The following NAV2 variants were observed in gnomAD, a reference collection of about 807,000 sequenced individuals.
NAV2 encodes the protein helicase, APC down-regulated 1.
Under a neutral mutation model 223.2 loss-of-function variants are expected in NAV2, and 54 were observed. The ratio of observed to expected loss-of-function variants is 0.24; its 90% CI spans 0.19 to 0.30. The LOEUF (loss-of-function observed/expected upper bound fraction) is 0.30. Ranked by LOEUF, NAV2 falls within the 10% of genes least tolerant of loss-of-function variation. The pLI is 1.00. For missense variants in NAV2, 2,806 were observed against 3,147.5 expected, an observed-to-expected ratio of 0.89 and a Z score of 2.60; for synonymous variants, 1,279 against 1,239.3, an observed-to-expected ratio of 1.03 and a Z score of -0.67.
chr11:20,044,205 G>A lies in NAV2; in HGVS notation c.3132G>A (p.Gln1044=), dbSNP rs537545497. The A allele has an allele frequency of 2.4e-5, 39 of 1,614,184 alleles. No individual in the cohort carries two copies. The South Asian group carries it at 3.2e-4, about 13-fold the overall frequency. ...CATGGCGGCGAGGCATGACAGCTCA[G>A]GTGGGCATCACCATGCCAAGGACGA... is the stretch of plus-strand genomic sequence containing the variant. The part of the protein sequence containing the change: ...TGSWRRGMTA[Q]VGITMPRTKP... Residue 1044 remains glutamine (Q), a synonymous_variant, in exon 13 of 38, where the codon CAG becomes CAA. Coordinates refer to ENST00000349880, the MANE Select transcript of NAV2 (RefSeq NM_145117.5).
At position 19,860,941 on chromosome 11, in the gene NAV2, G is replaced by C. The variant is rs984700503; in HGVS notation, c.439-7984G>C. 2.4e-4 allele frequency among the ~76,000 whole-genome samples: 36 copies of C among 150,836 alleles called. No individual in the cohort carries two copies. In the South Asian group the frequency reaches 7.6e-3, roughly 32 times the overall value. On this transcript the variant is annotated intron_variant, in intron 3 of 37. Transcript: ENST00000349880. ...AGGCACTCGGCAGGCTGAGGCAGGA[G>C]AATCAGGCAGGGAGGTTGCAGTGAG...
chr11:19,478,625 G>C (rs1273642980), intron 1 of NAV2, among the ~76,000 whole-genome samples: 1 of 152,200 alleles, frequency 6.6e-6, no homozygotes, highest in Non-Finnish European at 1.5e-5. Flanking sequence ...ACAAAGATAA[G>C]TGCAACAAGG....
chr11:19,887,417 G>A (rs1011451260), intron 5 of NAV2, among the ~76,000 whole-genome samples: 17 of 152,122 alleles, frequency 1.1e-4, no homozygotes, highest in African/African-American at 3.4e-4. Flanking sequence ...AAACCTAAGC[G>A]AAGGCCCATC....
chr11:19,373,770 G>A (rs1021526212), intron 1 of NAV2, among the ~76,000 whole-genome samples: 1 of 152,154 alleles, frequency 6.6e-6, no homozygotes, highest in African/African-American at 2.4e-5. Flanking sequence ...TGTCGCTATA[G>A]CCCTGAACCT....
chr11:19,635,049 G>A (rs374667434), intron 1 of NAV2, among the ~76,000 whole-genome samples: 9 of 152,166 alleles, frequency 5.9e-5, no homozygotes, highest in Non-Finnish European at 1.2e-4. Context: ...GTGGTCCTGC[G>A]CTGGTGTTCC....
At chr11:20,017,643 A>G (rs2054124970) in intron 11 of NAV2, among the ~76,000 whole-genome samples, 2 of 152,198 alleles carry the variant, frequency 1.3e-5, no homozygotes, top group Non-Finnish European at 2.9e-5. Context: ...CTCAGTGTCC[A>G]GTCTAGTATC....
intron 26 of NAV2, among the ~76,000 whole-genome samples, chr11:20,088,535 A>C (rs1180583521): frequency 6.6e-6 from 1 of 152,084 alleles, no homozygotes; most frequent in African/African-American, 2.4e-5. Flanking sequence ...AGGCCTCATC[A>C]TTGTGTGTTT....
At chr11:19,496,685 G>A (rs1310581212) in intron 1 of NAV2, among the ~76,000 whole-genome samples, 1 of 152,162 alleles carries the variant, frequency 6.6e-6, no homozygotes, top group East Asian at 1.9e-4. Context: ...CTACACAAGG[G>A]CCTGAATGTT....
At chr11:19,720,014 C>T (rs1387023304) in intron 1 of NAV2, among the ~76,000 whole-genome samples, 1 of 152,228 alleles carries the variant, frequency 6.6e-6, no homozygotes, top group East Asian at 1.9e-4. Flanking sequence ...GACTGGGCTT[C>T]TTAATGGTTC....
At chr11:19,602,125 C>A (rs1379968109) in intron 1 of NAV2, among the ~76,000 whole-genome samples, 1 of 151,668 alleles carries the variant, frequency 6.6e-6, no homozygotes, top group African/African-American at 2.4e-5. Flanking sequence ...GAAAAGGATG[C>A]ACAATCCCCC....
intron 19 of NAV2, 36 bp from the exon 20 acceptor site, chr11:20,062,271 C>T (rs1010676988): frequency 1.9e-6 from 3 of 1,540,732 alleles, no homozygotes; most frequent in African/African-American, 2.7e-5. Context: ...CCATAACAGC[C>T]ATCTATCAAT....
At chr11:19,658,256 T>C (rs895371181) in intron 1 of NAV2, among the ~76,000 whole-genome samples, 2 of 152,192 alleles carry the variant, frequency 1.3e-5, no homozygotes, top group African/African-American at 4.8e-5. Context: ...AGAGCCAGCA[T>C]TGGAGTCAGG....
chr11:19,427,489 A>G (rs567573480), intron 1 of NAV2, among the ~76,000 whole-genome samples: 1 of 152,338 alleles, frequency 6.6e-6, no homozygotes, highest in African/African-American at 2.4e-5. Context: ...GAACCCAGAA[A>G]AAATTCTCAC....
At chr11:19,447,485 T>C (rs1026503462) in intron 1 of NAV2, among the ~76,000 whole-genome samples, 3 of 152,226 alleles carry the variant, frequency 2.0e-5, no homozygotes, top group Non-Finnish European at 4.4e-5. Context: ...TAACCTCAGC[T>C]TCCTGCTGTG....
chr11:19,977,929 C>T (rs2049928137), intron 10 of NAV2, among the ~76,000 whole-genome samples: 1 of 151,424 alleles, frequency 6.6e-6, no homozygotes, highest in African/African-American at 2.4e-5. Flanking sequence ...TTCAGTCTCC[C>T]GAGTAGCTGG....
At chr11:19,436,822 C>A (rs1420982677) in intron 1 of NAV2, among the ~76,000 whole-genome samples, 1 of 151,976 alleles carries the variant, frequency 6.6e-6, no homozygotes, top group Non-Finnish European at 1.5e-5. Flanking sequence ...TGGGTTAAAT[C>A]TTATTTTCTT....
chr11:19,635,048 C>T (rs570735865), intron 1 of NAV2, among the ~76,000 whole-genome samples: 8 of 152,184 alleles, frequency 5.3e-5, no homozygotes, highest in Non-Finnish European at 7.3e-5. Context: ...AGTGGTCCTG[C>T]GCTGGTGTTC....
rs1565088907 is a variant in NAV2 at position 20,106,173 on chromosome 11, ATATGTGTGTG to A, written c.6841+450_6841+459del. Reference sequence around the variant, plus strand: ...TGTGTGTGTATATATATATATATATATATGTGTGTGTATATATATATATATATATATATAT... The same window carrying A: ...TGTGTGTGTATATATATATATATATATATATATATATATATATATATATAT... On this transcript the variant is annotated intron_variant, in intron 35 of 37. Transcript: ENST00000349880. Among the ~76,000 whole-genome samples the A allele has an allele frequency of 3.8e-3, 33 of 8,710 alleles. 5 individuals carry two copies. The East Asian group carries it at 0.087, about 23-fold the overall frequency. The allele number at this position is 8,710 out of a possible 152,430, so 5.7% of individuals were successfully genotyped here. A position where few individuals can be genotyped will look rare whatever the true frequency, so the allele number is the denominator to read the frequency against.
chr11:19,926,309 A>G (rs2044745006), intron 6 of NAV2, among the ~76,000 whole-genome samples: 1 of 152,122 alleles, frequency 6.6e-6, no homozygotes, highest in African/African-American at 2.4e-5. Flanking sequence ...CTCTCCCTCC[A>G]TGCCCTCTCA....
Sources: gnomAD v4.1 joint callset for allele counts (sites outside exome capture counted in the v4.1 genomes callset) on GRCh38, gnomAD v4.1.1 for gene constraint, MANE v1.5 for transcripts, NCBI Gene and HGNC (gene_info 2026-07-23, HGNC 2026-07-21) for gene names.